Variants in KCNJ1 observed in about 807,000 individuals in gnomAD.
KCNJ1 encodes ATP-sensitive inward rectifier potassium channel 1.
Under a neutral mutation model 21.9 loss-of-function variants are expected in KCNJ1, and 24 were observed. The ratio of observed to expected loss-of-function variants is 1.10; its 90% CI spans 0.79 to 1.54. The LOEUF (loss-of-function observed/expected upper bound fraction) is 1.54, where lower values mean the gene tolerates loss of function less well. KCNJ1 is among the 40% of genes most tolerant of loss of function. KCNJ1 has a pLI of 0.00. For missense variants in KCNJ1, 457 were observed against 455.4 expected (o/e 1.00, Z -0.03); for synonymous variants, 152 against 160.9 (o/e 0.94, Z 0.42).
intron 1 of KCNJ1, among the ~76,000 whole-genome samples, chr11:128,864,005 C>G (rs1943765306): frequency 6.6e-6 from 1 of 150,880 alleles, no homozygotes; most frequent in Non-Finnish European, 1.5e-5. Flanking sequence ...AACCTTTGAC[C>G]TTAAGGTAAC....
chr11:128,848,735 C>T (rs529237040), intron 2 of KCNJ1, among the ~76,000 whole-genome samples: 108 of 152,248 alleles, frequency 7.1e-4, no homozygotes, highest in South Asian at 6.8e-3. Context: ...CTTGGCTATA[C>T]TAGAGATTTT....
intron 1 of KCNJ1, among the ~76,000 whole-genome samples, chr11:128,863,260 G>A (rs1943752223): frequency 2.6e-5 from 4 of 152,308 alleles, no homozygotes; most frequent in African/African-American, 7.2e-5. Context: ...AGAAACACTG[G>A]TGTGTGTGCA....
chr11:128,855,479 G>A (rs1169227179), intron 1 of KCNJ1, among the ~76,000 whole-genome samples: 1 of 152,218 alleles, frequency 6.6e-6, no homozygotes, highest in East Asian at 1.9e-4. Flanking sequence ...GCTGTGATCA[G>A]CATTAAGATT....
chr11:128,841,688 T>C (rs913932881), intron 2 of KCNJ1, among the ~76,000 whole-genome samples: 3 of 152,154 alleles, frequency 2.0e-5, no homozygotes, highest in Admixed American at 6.5e-5. Flanking sequence ...TAAATAATAG[T>C]GATATCCCAC....
At chr11:128,840,997 C>T (rs1943273092) in intron 2 of KCNJ1, among the ~76,000 whole-genome samples, 1 of 152,186 alleles carries the variant, frequency 6.6e-6, no homozygotes, top group South Asian at 2.1e-4. Flanking sequence ...TAAAGTCACA[C>T]TTCCCTAAAA....
intron 1 of KCNJ1, among the ~76,000 whole-genome samples, chr11:128,859,978 G>A (rs1462080724): frequency 6.6e-6 from 1 of 152,240 alleles, no homozygotes; most frequent in African/African-American, 2.4e-5. Flanking sequence ...GGCGCGGCAA[G>A]GCCCACACTC....
intron 1 of KCNJ1, among the ~76,000 whole-genome samples, chr11:128,854,812 T>C (rs183939314): frequency 6.6e-6 from 1 of 152,312 alleles, no homozygotes; most frequent in African/African-American, 2.4e-5. Context: ...ATGACACACC[T>C]GCAGGGCCAA....
At chr11:128,865,929 C>T (rs1469218589) in intron 1 of KCNJ1, among the ~76,000 whole-genome samples, 2 of 152,184 alleles carry the variant, frequency 1.3e-5, no homozygotes, top group Admixed American at 6.5e-5. Context: ...AAGGAATTCA[C>T]ATACTCTGCT....
chr11:128,841,804 C>A (rs1020488287), intron 2 of KCNJ1, among the ~76,000 whole-genome samples: 1 of 152,076 alleles, frequency 6.6e-6, no homozygotes, highest in Admixed American at 6.6e-5. Flanking sequence ...ATGTTGAGGG[C>A]AGGTTCTAAA....
At chr11:128,860,256 G>A (rs899452344) in intron 1 of KCNJ1, among the ~76,000 whole-genome samples, 2 of 152,186 alleles carry the variant, frequency 1.3e-5, no homozygotes, top group Non-Finnish European at 2.9e-5. Context: ...ACATGACTTG[G>A]ATTTATGGCA....
intron 1 of KCNJ1, among the ~76,000 whole-genome samples, chr11:128,857,375 T>C (rs367838869): frequency 6.6e-6 from 1 of 152,198 alleles, no homozygotes; most frequent in Non-Finnish European, 1.5e-5. Context: ...CATTCACTTA[T>C]TGTCGATCTC....
chr11:128,865,857 A>T (rs551489845), intron 1 of KCNJ1, among the ~76,000 whole-genome samples: 7 of 152,146 alleles, frequency 4.6e-5, no homozygotes, highest in Non-Finnish European at 1.0e-4. Flanking sequence ...CAAACTTCTT[A>T]TATTAAAAAA....
chr11:128,843,184 A>C (rs1943319049), intron 2 of KCNJ1, among the ~76,000 whole-genome samples: 1 of 152,256 alleles, frequency 6.6e-6, no homozygotes. Flanking sequence ...ACTGTCATTC[A>C]CATGGCAGAC....
chr11:128,845,092 C>G (rs1943355896), intron 2 of KCNJ1, among the ~76,000 whole-genome samples: 1 of 152,220 alleles, frequency 6.6e-6, no homozygotes, highest in Non-Finnish European at 1.5e-5. Flanking sequence ...AATCTGGAAA[C>G]ATTTCTTGAG....
At chr11:128,841,810 CT>C (rs1943286572) in intron 2 of KCNJ1, among the ~76,000 whole-genome samples, 1 of 152,206 alleles carries the variant, frequency 6.6e-6, no homozygotes, top group Admixed American at 6.5e-5. Flanking sequence ...AGGGCAGGTT[CT>C]AAAGACATAA....
At chr11:128,856,523 G>A (rs575534228) in intron 1 of KCNJ1, among the ~76,000 whole-genome samples, 2 of 152,322 alleles carry the variant, frequency 1.3e-5, no homozygotes, top group African/African-American at 2.4e-5. Context: ...TGTGATGTAC[G>A]CTGGGACAGC....
rs1230543318 is a variant in KCNJ1 at position 128,840,036 on chromosome 11, A to G, written c.208T>C (p.Leu70=). The change falls in exon 3 of 3, where the codon TTG becomes CTG. Residue 70 remains leucine, a synonymous_variant. Coordinates refer to ENST00000392666, the MANE Select transcript of KCNJ1 (RefSeq NM_153766.3). ...YKMTIFITAF[L]GSWFFFGLLW... is the part of the protein sequence containing the mutation. ...AGACCAAAGAAAAACCAACTCCCCA[A>G]GAAGGCTGTGATGAAAATGGTCATT... The G allele has an allele frequency of 1.2e-6, 2 of 1,614,222 alleles. No homozygotes were observed. Among genetic ancestry groups the G allele is most frequent in the Non-Finnish European group, 1.7e-6 (2 of 1,180,024 alleles).
At chr11:128,853,029 T>C (rs1282830539) in intron 1 of KCNJ1, among the ~76,000 whole-genome samples, 1 of 152,252 alleles carries the variant, frequency 6.6e-6, no homozygotes, top group Non-Finnish European at 1.5e-5. Flanking sequence ...AAAATTAAAT[T>C]CCACTTTATT....
intron 1 of KCNJ1, among the ~76,000 whole-genome samples, chr11:128,865,501 G>A (rs2509585): frequency 0.11 from 17,064 of 152,198 alleles, 1,109 homozygotes; most frequent in South Asian, 0.25. Context: ...TAATAGTCAT[G>A]AGAAAGACAA....
Sources: gnomAD v4.1 joint callset for allele counts (sites outside exome capture counted in the v4.1 genomes callset) on GRCh38, gnomAD v4.1.1 for gene constraint, MANE v1.5 for transcripts, NCBI Gene and HGNC (gene_info 2026-07-23, HGNC 2026-07-21) for gene names.